Variants in GRM4 observed in about 807,000 individuals in gnomAD.
The protein encoded by GRM4 is metabotropic glutamate receptor 4.
A neutral mutation model predicts 81.7 loss-of-function variants in GRM4; 28 were observed. The ratio of observed to expected loss-of-function variants is 0.34; its 90% CI spans 0.25 to 0.47. GRM4 has a LOEUF of 0.47. GRM4 is among the 20% of genes least tolerant of loss of function. GRM4 has a pLI of 1.00. For synonymous variants in GRM4, 488 were observed against 528.8 expected (o/e 0.92, Z 1.06); for missense variants, 948 against 1,290.0 (o/e 0.73, Z 4.06).
chr6:34,087,409 A>C (rs1581677723), intron 3 of GRM4, among the ~76,000 whole-genome samples: 7 of 131,788 alleles, frequency 5.3e-5, no homozygotes, highest in South Asian at 2.4e-4. Context: ...ACAGAGCGAG[A>C]CTCCATCTCA....
In GRM4 at chr6:34,056,264, CTG is replaced by C. The variant is rs1011297802; in HGVS notation, c.1168+278_1168+279del. The C allele has an allele frequency of 1.3e-4, 58 of 459,012 alleles. No homozygotes were observed. In the Admixed American group the frequency reaches 1.7e-3, roughly 14 times the overall value. The allele number at this position is 459,012 out of a possible 1,614,324, so 28.4% of individuals were successfully genotyped here. On this transcript the variant is annotated intron_variant, in intron 6 of 10. Transcript: ENST00000538487. ...CAGGTTAGGAGGGGTCAGTTCAGTG[CTG>C]TGGGCTGGCCCTAGGGCCGTCCACA...
intron 10 of GRM4, among the ~76,000 whole-genome samples, chr6:34,023,114 G>A (rs1026403986): frequency 1.3e-5 from 2 of 152,176 alleles, no homozygotes; most frequent in African/African-American, 4.8e-5. Flanking sequence ...GCACCTCCAC[G>A]CCTTTGCCGG....
chr6:34,144,437 C>A (rs921697458), intron 1 of GRM4, among the ~76,000 whole-genome samples: 2 of 152,236 alleles, frequency 1.3e-5, no homozygotes, highest in African/African-American at 2.4e-5. Flanking sequence ...AGGTTCATCA[C>A]GGTCCCGGGG....
rs1766628052 is a variant in GRM4, at chr6:34,068,856, C to T, written c.737-6828G>A. Among the ~76,000 whole-genome samples, 1 of 152,182 alleles carries T rather than the reference C, an allele frequency of 6.6e-6. No individual in the cohort carries two copies. Among genetic ancestry groups the T allele is most frequent in the Admixed American group, 6.5e-5 (1 of 15,286 alleles). The stretch of plus-strand genomic sequence containing the variant: ...TCGCTCTGGTGGTCTCCAGGCCCGG[C>T]CTCTCGGGGCCCAGCCAGCTGGTCC... On this transcript the variant is annotated intron_variant, in intron 3 of 10. Transcript: ENST00000538487. The surrounding 1 kb of genome is among the most constrained non-coding windows in gnomAD (Gnocchi z 4.2).
intron 9 of GRM4, among the ~76,000 whole-genome samples, chr6:34,031,306 A>T (rs1219996051): frequency 6.6e-6 from 1 of 152,118 alleles, no homozygotes; most frequent in African/African-American, 2.4e-5. Flanking sequence ...TCCATCCTCC[A>T]TGAGGAATCC....
At position 34,064,780 on chromosome 6, in the gene GRM4, C is replaced by T. The variant is rs1436288842; in HGVS notation, c.737-2752G>A. ...AAGACCAGAGCGGCCCGAGAGGCCA[C>T]TGAGCACCCCCTGCATGCCTGGCAC... On this transcript the variant is annotated intron_variant, in intron 3 of 10. Transcript: ENST00000538487. This position sits in a 1 kb window ranked among gnomAD's most constrained non-coding sequence, Gnocchi z 4.4. 6.6e-6 allele frequency among the ~76,000 whole-genome samples: 1 copy of T among 152,174 alleles called. No homozygotes were observed. The highest frequency in any genetic ancestry group is 6.5e-5 in the Admixed American group (1 of 15,288).
Position 34,019,312 on chromosome 6 carries a change from GC to G in GRM4, c.*3508del, listed in dbSNP as rs1176709245. 1 of 152,288 alleles carries G rather than the reference GC, an allele frequency of 6.6e-6. No homozygotes were observed. Among genetic ancestry groups the G allele is most frequent in the African/African-American group, 2.4e-5 (1 of 41,450 alleles). 9.4% of individuals were successfully genotyped at this position (152,288 alleles called of 1,614,324 possible). ...CAAAGGTGCCCTGTGCATCCAGCTGGCCTGGAAGCTCCTGGGTGTCTGCTCA... is the reference window on the plus strand; with the variant it reads ...CAAAGGTGCCCTGTGCATCCAGCTGGCTGGAAGCTCCTGGGTGTCTGCTCA... On this transcript the variant is annotated 3_prime_UTR_variant, in exon 11 of 11. Coordinates refer to ENST00000538487, the MANE Select transcript of GRM4 (RefSeq NM_000841.4).
At position 34,040,319 on chromosome 6, in the gene GRM4, A is replaced by T. The variant is rs1423926540; in HGVS notation, c.1370-5T>A. ...TCACAGGGTTCCCTGCGATGCCTGTAAGGGTGGGCGGGTGTCTTTGCAGAG... is the reference window on the plus strand; with the variant it reads ...TCACAGGGTTCCCTGCGATGCCTGTTAGGGTGGGCGGGTGTCTTTGCAGAG... On this transcript the variant is annotated splice_region_variant and splice_polypyrimidine_tract_variant and intron_variant, in intron 7 of 10. Transcript: ENST00000538487. 3 of 1,613,762 alleles carry T rather than the reference A, an allele frequency of 1.9e-6. No homozygotes were observed. Among genetic ancestry groups the T allele is most frequent in the East Asian group, 4.5e-5 (2 of 44,882 alleles).
Position 34,056,679 on chromosome 6 carries a change from C to G in GRM4, c.1033G>C (p.Asp345His), listed in dbSNP as rs200372182. The G allele has an allele frequency of 1.4e-5, 23 of 1,612,754 alleles. No homozygotes were observed. The highest frequency in any genetic ancestry group is 1.9e-5 in the Non-Finnish European group (22 of 1,179,496). The stretch of plus-strand genomic sequence containing the variant: ...AGCGTGCGGCTGGAGAAGTAGCGGT[C>G]GAAGCCTGGCAGGGAACCAGGACGT... ...LPKRMSVRGF[D>H]RYFSSRTLDN... Residue 345 changes from aspartate to histidine, a missense_variant, in exon 6 of 11, where the codon GAC becomes CAC. Coordinates refer to ENST00000538487, the MANE Select transcript of GRM4 (RefSeq NM_000841.4).
rs543219984 is a variant in GRM4, at chr6:34,078,167, A to T, written c.736+13716T>A. Among the ~76,000 whole-genome samples, 4 of 152,304 alleles carry T rather than the reference A, an allele frequency of 2.6e-5. No individual in the cohort carries two copies. The South Asian group carries it at 8.3e-4, about 32-fold the overall frequency. On this transcript the variant is annotated intron_variant, in intron 3 of 10. Coordinates refer to ENST00000538487, the MANE Select transcript of GRM4 (RefSeq NM_000841.4). The surrounding 1 kb of genome is among the most constrained non-coding windows in gnomAD (Gnocchi z 4.8). Reference sequence around the variant, plus strand: ...GAATGAACATGCTAGGTGGTTAATTAACTAACATTTGACCTATTGTCCGGA... The same window carrying T: ...GAATGAACATGCTAGGTGGTTAATTTACTAACATTTGACCTATTGTCCGGA...
At chr6:34,113,515 G>A (rs1265699247) in intron 2 of GRM4, among the ~76,000 whole-genome samples, 1 of 152,204 alleles carries the variant, frequency 6.6e-6, no homozygotes, top group African/African-American at 2.4e-5. Context: ...GAAAACAGAT[G>A]CGGGTCCTTG....
rs1462562229 is a variant in GRM4 at position 34,020,627 on chromosome 6, T to A, written c.*2194A>T. 1 of 150,180 alleles carries A rather than the reference T, an allele frequency of 6.7e-6. No homozygotes were observed. Among genetic ancestry groups the A allele is most frequent in the Non-Finnish European group, 1.5e-5 (1 of 67,808 alleles). The allele number at this position is 150,180 out of a possible 1,614,324, so 9.3% of individuals were successfully genotyped here. A position where few individuals can be genotyped will look rare whatever the true frequency, so the allele number is the denominator to read the frequency against. On this transcript the variant is annotated 3_prime_UTR_variant, in exon 11 of 11. Transcript: ENST00000538487. ...CCGGGCTGGAGCACTGGGTGGAATC[T>A]TTCCTGGGCAGAGGTCTTAGGAACC...
intron 9 of GRM4, among the ~76,000 whole-genome samples, chr6:34,031,830 G>A (rs1437547131): frequency 1.3e-5 from 2 of 152,188 alleles, no homozygotes; most frequent in Non-Finnish European, 2.9e-5. Context: ...AGCTGAGCAT[G>A]TGCAAGTGCG....
intron 1 of GRM4, among the ~76,000 whole-genome samples, chr6:34,143,104 G>C (rs1770761782): frequency 6.6e-6 from 1 of 152,212 alleles, no homozygotes; most frequent in East Asian, 1.9e-4. Flanking sequence ...CTAAGGTGCG[G>C]GGTGTGGGGG....
chr6:34,021,277 CAG>C lies in GRM4; in HGVS notation c.*1542_*1543del, dbSNP rs1037246471. ...AGACACACAGCCAACACAGCCAACA[CAG>C]CCACACGGCCATGCCTGTGCCGTGC... On this transcript the variant is annotated 3_prime_UTR_variant, in exon 11 of 11. Transcript: ENST00000538487. This position sits in a 1 kb window ranked among gnomAD's most constrained non-coding sequence, Gnocchi z 5.3. 6.6e-6 allele frequency: 1 copy of C among 152,496 alleles called. No homozygotes were observed. Among genetic ancestry groups the C allele is most frequent in the African/African-American group, 2.4e-5 (1 of 41,466 alleles). The allele number at this position is 152,496 out of a possible 1,614,324, so 9.4% of individuals were successfully genotyped here.
At chr6:34,039,295 C>A (rs960763241) in intron 8 of GRM4, among the ~76,000 whole-genome samples, 1 of 152,144 alleles carries the variant, frequency 6.6e-6, no homozygotes, top group Non-Finnish European at 1.5e-5. Flanking sequence ...GAGCAGAGCA[C>A]GAGGGGTTCC....
At chr6:34,084,182 G>A (rs76586067) in intron 3 of GRM4, among the ~76,000 whole-genome samples, 3,120 of 152,302 alleles carry the variant, frequency 0.02, 70 homozygotes, top group African/African-American at 0.057. Flanking sequence ...CCTCAGAGGC[G>A]GGCTGCTGTA....
chr6:34,028,665 A>C (rs1343142461), intron 9 of GRM4, among the ~76,000 whole-genome samples: 1 of 152,224 alleles, frequency 6.6e-6, no homozygotes, highest in Non-Finnish European at 1.5e-5. Context: ...TGACTTAATA[A>C]ATGTTTTAAA....
chr6:34,053,552 A>G (rs1208497691), intron 6 of GRM4, among the ~76,000 whole-genome samples: 1 of 152,234 alleles, frequency 6.6e-6, no homozygotes, highest in Non-Finnish European at 1.5e-5. Context: ...GATTCGGGTC[A>G]GCTGAGACAT....
Sources: gnomAD v4.1 joint callset for allele counts (sites outside exome capture counted in the v4.1 genomes callset) on GRCh38, gnomAD v4.1.1 for gene constraint, Gnocchi (gnomAD v3.1) non-coding constraint, MANE v1.5 for transcripts, NCBI Gene and HGNC (gene_info 2026-07-23, HGNC 2026-07-21) for gene names.